MCHR2: variants seen among roughly 807,000 people sequenced by gnomAD.
The protein encoded by MCHR2 is melanin concentrating hormone receptor 2, also known as melanin-concentrating hormone receptor 2.
Under a neutral mutation model 24.8 loss-of-function variants are expected in MCHR2, and 15 were observed. The ratio of observed to expected loss-of-function variants is 0.60; its 90% CI spans 0.40 to 0.93. The LOEUF (loss-of-function observed/expected upper bound fraction) is 0.93. Among genes scored for constraint, MCHR2 ranks in the 40% least tolerant of loss-of-function variants. MCHR2 has a pLI of 0.00. For missense variants in MCHR2, 386 were observed against 408.7 expected (o/e 0.94, Z 0.48); for synonymous variants, 151 against 147.6 (o/e 1.02, Z -0.17).
chr6:99,956,125 C>T lies in MCHR2; in HGVS notation c.23G>A (p.Cys8Tyr). 6.2e-7 allele frequency: 1 copy of T among 1,612,048 alleles called. No individual in the cohort carries two copies. The highest frequency in any genetic ancestry group is 8.5e-7 in the Non-Finnish European group (1 of 1,179,014). MNPFHAS[C>Y]WNTSAELLNK... is the part of the protein sequence containing the mutation. The stretch of plus-strand genomic sequence containing the variant: ...TAAAAGTTCGGCAGAGGTGTTCCAA[C>T]AAGATGCATGAAATGGATTCATTGT... Residue 8 changes from cysteine to tyrosine, a missense_variant, in exon 2 of 6, where the codon TGT becomes TAT. Physicochemically the swap from Cys to Tyr is radical, Grantham distance 194 (BLOSUM62 -2). Coordinates refer to ENST00000281806, the MANE Select transcript of MCHR2 (RefSeq NM_001040179.2).
intron 1 of MCHR2, among the ~76,000 whole-genome samples, chr6:99,968,005 T>A (rs755359333): frequency 3.9e-5 from 6 of 152,212 alleles, no homozygotes; most frequent in South Asian, 2.1e-4. Flanking sequence ...GTAATAATAA[T>A]AGTACCTATC....
intron 1 of MCHR2, among the ~76,000 whole-genome samples, chr6:99,972,298 A>T (rs1775442692): frequency 6.6e-6 from 1 of 152,150 alleles, no homozygotes; most frequent in Non-Finnish European, 1.5e-5. Context: ...GGGAGGGTGT[A>T]TGTGTCGAGG....
chr6:99,919,007 CATA>C lies in MCHR2; in HGVS notation c.*1930_*1932del, dbSNP rs1368952427. ...GTAAGCAATTGCTCTTCAATTATCA[CATA>C]ATAAGATGTTTCTGACCCATTGTGC... On this transcript the variant is annotated 3_prime_UTR_variant, in exon 6 of 6. Transcript: ENST00000281806. Among the ~76,000 whole-genome samples, 3 of 152,152 alleles carry C rather than the reference CATA, an allele frequency of 2.0e-5. No homozygotes were observed. The highest frequency in any genetic ancestry group is 1.5e-5 in the Non-Finnish European group (1 of 68,018).
intron 5 of MCHR2, among the ~76,000 whole-genome samples, chr6:99,925,811 ATTTTATTTTTTAT>A (rs1015220366): frequency 8.0e-5 from 12 of 150,576 alleles, no homozygotes; most frequent in Non-Finnish European, 1.6e-4. Context: ...TTGTTATTTT[ATTTTATTTTTTAT>A]TTTTATTTTT....
rs886865497 is a variant in MCHR2 at position 99,956,661 on chromosome 6, T to C, written c.-27-487A>G. 6.6e-5 allele frequency among the ~76,000 whole-genome samples: 10 copies of C among 152,214 alleles called. 1 individual carries two copies. The South Asian group carries it at 1.7e-3, about 25-fold the overall frequency. On this transcript the variant is annotated intron_variant, in intron 1 of 5. Coordinates refer to ENST00000281806, the MANE Select transcript of MCHR2 (RefSeq NM_001040179.2). ...ACCTCCTGATGTGATTATTGGACTA[T>C]GTTGAAGCATGAGGGAGAGTTAGCT...
chr6:99,921,509 T>C (rs1774231620), intron 5 of MCHR2, among the ~76,000 whole-genome samples: 1 of 152,156 alleles, frequency 6.6e-6, no homozygotes, highest in South Asian at 2.1e-4. Context: ...ACATAGTAGG[T>C]GTATATATTT....
rs537307714 is a variant in MCHR2 at position 99,971,517 on chromosome 6, T to C, written c.-27-15343A>G. Among the ~76,000 whole-genome samples, 24 of 152,332 alleles carry C rather than the reference T, an allele frequency of 1.6e-4. No homozygotes were observed. In the East Asian group the frequency reaches 4.6e-3, roughly 29 times the overall value. ...CACGACATCTGCAAACAGGGACAAT[T>C]TGACTTCCTCTTTTCCTAATTGAAT... On this transcript the variant is annotated intron_variant, in intron 1 of 5. Transcript: ENST00000281806.
intron 4 of MCHR2, among the ~76,000 whole-genome samples, chr6:99,938,470 C>T (rs1217206716): frequency 2.0e-5 from 3 of 152,036 alleles, no homozygotes; most frequent in African/African-American, 7.2e-5. Flanking sequence ...CATTCAGGAG[C>T]ATGTTGTTTA....
intron 4 of MCHR2, among the ~76,000 whole-genome samples, chr6:99,939,379 G>A (rs866252041): frequency 1.3e-5 from 2 of 151,794 alleles, no homozygotes; most frequent in Non-Finnish European, 2.9e-5. Context: ...CAATGATGCT[G>A]ACAAAAAATA....
intron 1 of MCHR2, among the ~76,000 whole-genome samples, chr6:99,986,907 T>C (rs1775780342): frequency 6.6e-6 from 1 of 150,758 alleles, no homozygotes. Context: ...TATATATACA[T>C]GGACCCTTAA....
At chr6:99,987,012 C>T (rs1432880671) in intron 1 of MCHR2, among the ~76,000 whole-genome samples, 1 of 151,950 alleles carries the variant, frequency 6.6e-6, no homozygotes, top group African/African-American at 2.4e-5. Context: ...TTTTGGTCAA[C>T]AAATTATATT....
chr6:99,981,217 A>G (rs1463068403), intron 1 of MCHR2, among the ~76,000 whole-genome samples: 2 of 152,248 alleles, frequency 1.3e-5, no homozygotes, highest in Non-Finnish European at 2.9e-5. Context: ...AAACATTAAC[A>G]TAGCAATCCT....
intron 1 of MCHR2, among the ~76,000 whole-genome samples, chr6:99,961,079 C>T (rs553767984): frequency 6.6e-6 from 1 of 152,164 alleles, no homozygotes; most frequent in African/African-American, 2.4e-5. Context: ...GCAATCTACC[C>T]ATCTGCCAAA....
At chr6:99,929,730 G>A (rs187744615) in intron 5 of MCHR2, among the ~76,000 whole-genome samples, 2 of 151,940 alleles carry the variant, frequency 1.3e-5, no homozygotes, top group Admixed American at 1.3e-4. Context: ...GCCTATGTGT[G>A]TCTCTGCACG....
chr6:99,934,049 A>C (rs979422771), intron 5 of MCHR2, among the ~76,000 whole-genome samples: 1 of 152,138 alleles, frequency 6.6e-6, no homozygotes, highest in Non-Finnish European at 1.5e-5. Context: ...AAGGTTGCAC[A>C]TAACATCTAA....
intron 1 of MCHR2, among the ~76,000 whole-genome samples, chr6:99,981,912 C>T (rs760002159): frequency 2.6e-5 from 4 of 152,076 alleles, no homozygotes; most frequent in Admixed American, 6.5e-5. Context: ...CATGCACTTC[C>T]CCAAAACTGC....
chr6:99,920,905 A>G lies in MCHR2; in HGVS notation c.*35T>C. 1 of 1,573,954 alleles carries G rather than the reference A, an allele frequency of 6.4e-7. No homozygotes were observed. Among genetic ancestry groups the G allele is most frequent in the Non-Finnish European group, 8.7e-7 (1 of 1,149,390 alleles). On this transcript the variant is annotated 3_prime_UTR_variant, in exon 6 of 6. Coordinates refer to ENST00000281806, the MANE Select transcript of MCHR2 (RefSeq NM_001040179.2). ...TCTGATAATACCAGTAAGATAGACA[A>G]TCATGTCTAGACTCATGGTGATCCA...
chr6:99,931,083 G>C (rs1455544486), intron 5 of MCHR2, among the ~76,000 whole-genome samples: 3 of 152,204 alleles, frequency 2.0e-5, no homozygotes, highest in Non-Finnish European at 4.4e-5. Context: ...AGGTCTGTTG[G>C]AGTTTGCTAG....
chr6:99,974,507 T>G (rs1775506181), intron 1 of MCHR2, among the ~76,000 whole-genome samples: 1 of 152,216 alleles, frequency 6.6e-6, no homozygotes, highest in Non-Finnish European at 1.5e-5. Context: ...TGGTTTGAAT[T>G]TCCTCCTGTA....
Sources: allele counts gnomAD v4.1 joint callset (sites outside exome capture counted in the v4.1 genomes callset), GRCh38; gene constraint gnomAD v4.1.1; transcripts MANE v1.5; gene names NCBI Gene and HGNC (gene_info 2026-07-23, HGNC 2026-07-21).